The following NDNF variants were observed in gnomAD, a reference collection of about 807,000 sequenced individuals.
NDNF encodes neuron derived neurotrophic factor.
A neutral mutation model predicts 42.0 loss-of-function variants in NDNF; 16 were observed. The ratio of observed to expected loss-of-function variants is 0.38; its 90% CI spans 0.26 to 0.58. NDNF has a LOEUF of 0.58. Among genes scored for constraint, NDNF ranks in the 20% least tolerant of loss-of-function variants. The pLI, the probability that NDNF is intolerant of heterozygous loss-of-function variation, is 0.67. For synonymous variants in NDNF, 248 were observed against 251.7 expected, an observed-to-expected ratio of 0.99 and a Z score of 0.14; for missense variants, 616 against 666.2, an observed-to-expected ratio of 0.92 and a Z score of 0.83.
At chr4:121,051,266 G>A (rs1439999846) in intron 1 of NDNF, among the ~76,000 whole-genome samples, 1 of 152,166 alleles carries the variant, frequency 6.6e-6, no homozygotes, top group Non-Finnish European at 1.5e-5. Context: ...TAAAGAAAAT[G>A]TCAGTGAATA....
chr4:121,042,761 T>C (rs1238435897), intron 2 of NDNF, among the ~76,000 whole-genome samples: 1 of 152,208 alleles, frequency 6.6e-6, no homozygotes, highest in African/African-American at 2.4e-5. Flanking sequence ...TGTTTGATTT[T>C]AGGTTTTATG....
intron 1 of NDNF, among the ~76,000 whole-genome samples, chr4:121,062,397 G>A (rs1377059861): frequency 6.6e-6 from 1 of 152,188 alleles, no homozygotes; most frequent in Admixed American, 6.5e-5. Context: ...AGATGCACGT[G>A]TTGAGATCAG....
At chr4:121,054,243 T>C (rs186667960) in intron 1 of NDNF, among the ~76,000 whole-genome samples, 5 of 152,214 alleles carry the variant, frequency 3.3e-5, no homozygotes, top group African/African-American at 1.2e-4. Flanking sequence ...TGAAAAAATA[T>C]GTATCTTAGG....
At chr4:121,070,504 A>G (rs1013883265) in intron 1 of NDNF, among the ~76,000 whole-genome samples, 2 of 151,794 alleles carry the variant, frequency 1.3e-5, no homozygotes, top group African/African-American at 2.4e-5. Flanking sequence ...TGGGAGGAGG[A>G]GAGGAGGAGG....
intron 2 of NDNF, among the ~76,000 whole-genome samples, chr4:121,041,305 A>C (rs1157473500): frequency 6.6e-6 from 1 of 152,118 alleles, no homozygotes; most frequent in Non-Finnish European, 1.5e-5. Flanking sequence ...TTGCTCATTG[A>C]TTCCATGCAG....
intron 1 of NDNF, chr4:121,061,079 G>C (rs1727397255): frequency 6.6e-6 from 1 of 152,140 alleles, no homozygotes; most frequent in South Asian, 2.1e-4. Context: ...CAGTTAACTT[G>C]TTTTTGTAAA....
chr4:121,070,247 C>T (rs1727567237), intron 1 of NDNF, among the ~76,000 whole-genome samples: 1 of 152,128 alleles, frequency 6.6e-6, no homozygotes, highest in Non-Finnish European at 1.5e-5. Context: ...TCATACCGAT[C>T]GCCCTCACTA....
chr4:121,039,190 GTGTATATATATATATATA>G lies in NDNF; in HGVS notation c.313+722_313+739del, dbSNP rs1361917631. Reference sequence around the variant, plus strand: ...ATATATAAAGACTATGTGTGTGTGTGTGTATATATATATATATATATATATATATATATATATATATAT... The same window carrying G: ...ATATATAAAGACTATGTGTGTGTGTGTATATATATATATATATATATATAT... On this transcript the variant is annotated intron_variant, in intron 3 of 3. Coordinates refer to ENST00000379692, the MANE Select transcript of NDNF (RefSeq NM_024574.4). 9.6e-3 allele frequency among the ~76,000 whole-genome samples: 650 copies of G among 67,998 alleles called. 33 individuals are homozygous for G. Among genetic ancestry groups the G allele is most frequent in the African/African-American group, 0.034 (436 of 12,840 alleles). The allele number at this position is 67,998 out of a possible 152,430, so 44.6% of individuals were successfully genotyped here.
intron 1 of NDNF, among the ~76,000 whole-genome samples, chr4:121,065,480 A>T (rs1241450404): frequency 6.6e-6 from 1 of 152,108 alleles, no homozygotes; most frequent in East Asian, 1.9e-4. Flanking sequence ...ACTTTACTGT[A>T]ATTAAAAGAC....
chr4:121,055,573 G>A (rs1250331976), intron 1 of NDNF, among the ~76,000 whole-genome samples: 2 of 151,238 alleles, frequency 1.3e-5, no homozygotes, highest in African/African-American at 4.8e-5. Context: ...CTTAGATGCA[G>A]TTTTAAAAAC....
chr4:121,058,554 C>T (rs1727342935), intron 1 of NDNF, among the ~76,000 whole-genome samples: 2 of 152,250 alleles, frequency 1.3e-5, no homozygotes, highest in African/African-American at 4.8e-5. Flanking sequence ...CCTGACGAGG[C>T]GGCTGAAGCA....
chr4:121,053,428 T>C (rs765943722), intron 1 of NDNF, among the ~76,000 whole-genome samples: 2 of 152,168 alleles, frequency 1.3e-5, no homozygotes, highest in African/African-American at 2.4e-5. Context: ...AGGATCAGAT[T>C]TTAAAGTAAG....
rs756467753 is a variant in NDNF, at chr4:121,043,224, T to C, written c.188+2426A>G. On this transcript the variant is annotated intron_variant, in intron 2 of 3. Transcript: ENST00000379692. ...AAATTATAGTGCCAAAGCTGAGGGA[T>C]AAGCACACCATGAGCCATTTAGCCT... is the stretch of plus-strand genomic sequence containing the variant. Among the ~76,000 whole-genome samples the C allele has an allele frequency of 7.2e-5, 11 of 152,326 alleles. No individual in the cohort carries two copies. In the East Asian group the frequency reaches 2.1e-3, roughly 29 times the overall value.
Position 121,036,406 on chromosome 4 carries a change from T to A in NDNF, c.1565A>T (p.Asn522Ile). The A allele has an allele frequency of 3.1e-6, 5 of 1,614,162 alleles. No homozygotes were observed. In the South Asian group the frequency reaches 4.4e-5, roughly 14 times the overall value. Residue 522 changes from asparagine to isoleucine, a missense_variant, in exon 4 of 4, where the codon AAC (asparagine) becomes ATC (isoleucine). Asn to Ile is a moderately radical substitution (Grantham distance 149). Coordinates refer to ENST00000379692, the MANE Select transcript of NDNF (RefSeq NM_024574.4). Reference protein sequence around the residue: ...KVLCKYFHSQNLQKAVTTETI... With the variant: ...KVLCKYFHSQILQKAVTTETI... Reference sequence around the variant, plus strand: ...TTCTGTGGTCACTGCTTTCTGCAGGTTTTGACTGTGGAAATATTTACAGAG... The same window carrying A: ...TTCTGTGGTCACTGCTTTCTGCAGGATTTGACTGTGGAAATATTTACAGAG...
chr4:121,055,474 A>G (rs527239771), intron 1 of NDNF, among the ~76,000 whole-genome samples: 1 of 152,328 alleles, frequency 6.6e-6, no homozygotes, highest in East Asian at 1.9e-4. Flanking sequence ...TGACAAACAG[A>G]AAGTACTGCA....
rs779264668 is a variant in NDNF, at chr4:121,037,195, G to T, written c.776C>A (p.Ser259Tyr). 1 of 1,614,042 alleles carries T rather than the reference G, an allele frequency of 6.2e-7. No individual in the cohort carries two copies. Among genetic ancestry groups the T allele is most frequent in the Non-Finnish European group, 8.5e-7 (1 of 1,180,006 alleles). Residue 259 changes from serine (S) to tyrosine (Y), a missense_variant, in exon 4 of 4, where the codon TCT (serine) becomes TAT (tyrosine). By Grantham distance (144) the Ser-to-Tyr change is moderately radical. Transcript: ENST00000379692. Reference sequence around the variant, plus strand: ...ACTGCGTTCTTTACCTGAATTATCAGAAGGAAATCCAAAGTGGGCAAAGTC... The same window carrying T: ...ACTGCGTTCTTTACCTGAATTATCATAAGGAAATCCAAAGTGGGCAAAGTC... ...PFDFAHFGFP[S>Y]DNSGKERSFQ...
intron 1 of NDNF, among the ~76,000 whole-genome samples, chr4:121,064,525 A>C (rs1727467426): frequency 6.6e-6 from 1 of 152,250 alleles, no homozygotes; most frequent in Non-Finnish European, 1.5e-5. Context: ...TTTTCAAAAC[A>C]TAATGGGGCA....
intron 1 of NDNF, among the ~76,000 whole-genome samples, chr4:121,050,065 T>C (rs1319362892): frequency 3.3e-5 from 5 of 152,190 alleles, no homozygotes; most frequent in African/African-American, 1.2e-4. Context: ...GCATTGAATA[T>C]AGCTAATCAA....
intron 1 of NDNF, among the ~76,000 whole-genome samples, chr4:121,067,827 T>G (rs1727526786): frequency 6.6e-6 from 1 of 152,240 alleles, no homozygotes; most frequent in African/African-American, 2.4e-5. Flanking sequence ...CTAAAATTCA[T>G]GTGTTTGTTG....
Sources: gnomAD v4.1 joint callset for allele counts (sites outside exome capture counted in the v4.1 genomes callset) on GRCh38, gnomAD v4.1.1 for gene constraint, MANE v1.5 for transcripts, NCBI Gene and HGNC (gene_info 2026-07-23, HGNC 2026-07-21) for gene names.